Variants in GRIA4 observed in about 807,000 individuals in gnomAD.
GRIA4 encodes glutamate receptor 4.
A neutral mutation model predicts 104.0 loss-of-function variants in GRIA4; 34 were observed. The observed-to-expected ratio is 0.33, with a 90% CI of 0.25 to 0.44. The LOEUF (loss-of-function observed/expected upper bound fraction) is 0.44. Ranked by LOEUF, GRIA4 falls within the 20% of genes least tolerant of loss-of-function variation. The probability of loss-of-function intolerance (pLI) is 1.00; values close to 1 mark genes in which losing one functional copy is unlikely to be tolerated. For missense variants in GRIA4, 750 were observed against 1,096.5 expected, an observed-to-expected ratio of 0.68 and a Z score of 4.46; for synonymous variants, 386 against 381.9, an observed-to-expected ratio of 1.01 and a Z score of -0.13.
At position 105,718,919 on chromosome 11, in the gene GRIA4, G is replaced by T. The variant is rs143835683; in HGVS notation, c.248-34062G>T. Among the ~76,000 whole-genome samples the T allele has an allele frequency of 2.0e-3, 307 of 152,216 alleles. 2 individuals carry two copies. The highest frequency in any genetic ancestry group is 7.1e-3 in the African/African-American group (296 of 41,554). On this transcript the variant is annotated intron_variant, in intron 3 of 16. Coordinates refer to ENST00000282499, the MANE Select transcript of GRIA4 (RefSeq NM_000829.4). ...CTGCTTACTTAGGAGTTTGGAACAA[G>T]CCAGGGGAAACAAGGTAGGGAGTCA...
In GRIA4 at chr11:105,914,887, T is replaced by C. The variant is rs373773337; in HGVS notation, c.1270-3825T>C. ...AAGATACCCCACAAATCCTCCTTAA[T>C]GATTTTCTGGAATTTATTATATTGA... On this transcript the variant is annotated intron_variant, in intron 10 of 16. Coordinates refer to ENST00000282499, the MANE Select transcript of GRIA4 (RefSeq NM_000829.4). Among the ~76,000 whole-genome samples, 102 of 152,304 alleles carry C rather than the reference T, an allele frequency of 6.7e-4. 3 individuals are homozygous for C. The South Asian group carries it at 0.019, about 28-fold the overall frequency.
chr11:105,924,613 T>C lies in GRIA4; in HGVS notation c.1691T>C (p.Leu564Pro), dbSNP rs1412343269. The C allele has an allele frequency of 6.2e-7, 1 of 1,612,844 alleles. No individual in the cohort carries two copies. Among genetic ancestry groups the C allele is most frequent in the African/African-American group, 1.3e-5 (1 of 74,856 alleles). Residue 564 changes from leucine (L) to proline (P), a missense_variant, in exon 12 of 17, where the codon CTA becomes CCA. Around this residue, in one of 3 missense-constraint regions of GRIA4, gnomAD observed 272 missense variants for 524.5 expected, o/e 0.52. Transcript: ENST00000282499. Reference protein sequence around the residue: ...AYIGVSVVLFLVSRFSPYEWH... With the variant: ...AYIGVSVVLFPVSRFSPYEWH... ...ATTGGTGTCAGCGTGGTCTTATTCC[T>C]AGTTAGTAGATTTAGTCCATATGAG...
chr11:105,954,910 T>TTA (rs56101816), intron 14 of GRIA4, among the ~76,000 whole-genome samples: 9,985 of 45,562 alleles, frequency 0.22, 349 homozygotes, highest in African/African-American at 0.35. Flanking sequence ...TGCTTTCAAT[T>TTA]TATATATATA....
rs758122574 is a variant in GRIA4, at chr11:105,921,306, G to GGGGTGTGT, written c.1476+2389_1476+2390insGGTGTGTG. ...ATTTCCTTGGCCTCTACCACACTTG[G>GGGGTGTGT]GTGTGTGTGTGTGTGTGTGTGTGTG... On this transcript the variant is annotated intron_variant, in intron 11 of 16. Coordinates refer to ENST00000282499, the MANE Select transcript of GRIA4 (RefSeq NM_000829.4). 2.3e-3 allele frequency among the ~76,000 whole-genome samples: 324 copies of GGGGTGTGT among 138,836 alleles called. 1 individual carries two copies. The highest frequency in any genetic ancestry group is 2.5e-3 in the Non-Finnish European group (159 of 63,682). 91.1% of individuals were successfully genotyped at this position (138,836 alleles called of 152,430 possible).
intron 11 of GRIA4, among the ~76,000 whole-genome samples, chr11:105,922,708 C>T (rs995225807): frequency 1.3e-5 from 2 of 151,814 alleles, no homozygotes; most frequent in Non-Finnish European, 2.9e-5. Context: ...TACATTATTC[C>T]TTTTTAAAAG....
intron 4 of GRIA4, among the ~76,000 whole-genome samples, chr11:105,839,671 G>A (rs967945492): frequency 2.6e-5 from 4 of 150,944 alleles, no homozygotes; most frequent in Non-Finnish European, 4.4e-5. Flanking sequence ...TTGCGCCACC[G>A]CACCCCAGCC....
intron 3 of GRIA4, among the ~76,000 whole-genome samples, chr11:105,634,511 AAG>A (rs754534361): frequency 0.29 from 21,313 of 73,112 alleles, 2,115 homozygotes; most frequent in Non-Finnish European, 0.39. Flanking sequence ...GAAAGAAAGA[AAG>A]AAGAAAGAAA....
intron 14 of GRIA4, among the ~76,000 whole-genome samples, chr11:105,958,572 CTCTT>C (rs1318926203): frequency 2.0e-5 from 3 of 152,026 alleles, no homozygotes; most frequent in African/African-American, 7.2e-5. Flanking sequence ...GTCTAAAATT[CTCTT>C]TTTTTTTGTT....
At chr11:105,907,621 T>C (rs1947088823) in intron 9 of GRIA4, among the ~76,000 whole-genome samples, 1 of 152,174 alleles carries the variant, frequency 6.6e-6, no homozygotes, top group Non-Finnish European at 1.5e-5. Context: ...AATCTTCTTA[T>C]CACTCCAGTG....
At chr11:105,726,231 C>A (rs1462470468) in intron 3 of GRIA4, among the ~76,000 whole-genome samples, 1 of 152,100 alleles carries the variant, frequency 6.6e-6, no homozygotes, top group Non-Finnish European at 1.5e-5. Context: ...ATTACTGAGG[C>A]TTGAGTAGGT....
At chr11:105,726,978 C>T (rs940480479) in intron 3 of GRIA4, among the ~76,000 whole-genome samples, 1 of 152,052 alleles carries the variant, frequency 6.6e-6, no homozygotes, top group African/African-American at 2.4e-5. Flanking sequence ...TGCCTCTTCT[C>T]CTCCGAAGAA....
intron 4 of GRIA4, among the ~76,000 whole-genome samples, chr11:105,753,849 A>C (rs1160375933): frequency 6.6e-6 from 1 of 152,170 alleles, no homozygotes; most frequent in African/African-American, 2.4e-5. Flanking sequence ...ATGAACAGAC[A>C]AATAGAAGAA....
intron 3 of GRIA4, among the ~76,000 whole-genome samples, chr11:105,661,529 G>T (rs1216551939): frequency 6.6e-6 from 1 of 151,556 alleles, no homozygotes; most frequent in Non-Finnish European, 1.5e-5. Context: ...ATGAAATCAA[G>T]AAATGCATTT....
intron 3 of GRIA4, among the ~76,000 whole-genome samples, chr11:105,670,221 T>C (rs375801609): frequency 2.6e-5 from 4 of 152,270 alleles, no homozygotes; most frequent in Admixed American, 6.5e-5. Flanking sequence ...GGAGAGCATA[T>C]ACAGTACATA....
chr11:105,831,154 G>A (rs979397650), intron 4 of GRIA4, among the ~76,000 whole-genome samples: 2 of 152,064 alleles, frequency 1.3e-5, no homozygotes, highest in African/African-American at 4.8e-5. Flanking sequence ...GAATGTCCAA[G>A]ATGGTTCATT....
At chr11:105,727,422 CG>C in intron 3 of GRIA4, among the ~76,000 whole-genome samples, 1 of 152,126 alleles carries the variant, frequency 6.6e-6, no homozygotes, top group Middle Eastern at 3.4e-3. Flanking sequence ...CTGAAAGTGA[CG>C]GGAGAATGGA....
chr11:105,880,455 CT>C (rs1946007855), intron 5 of GRIA4, among the ~76,000 whole-genome samples: 2 of 152,174 alleles, frequency 1.3e-5, no homozygotes, highest in Admixed American at 1.3e-4. Flanking sequence ...TCAGCACTTG[CT>C]TTTCACTCTA....
chr11:105,651,618 G>A (rs1356042599), intron 3 of GRIA4, among the ~76,000 whole-genome samples: 1 of 151,990 alleles, frequency 6.6e-6, no homozygotes, highest in African/African-American at 2.4e-5. Flanking sequence ...TTAGCCACTG[G>A]AGTGCTTTTC....
In GRIA4 at chr11:105,874,675, T is replaced by A. The variant is rs574644584; in HGVS notation, c.672+12467T>A. 1.7e-3 allele frequency among the ~76,000 whole-genome samples: 260 copies of A among 152,280 alleles called. 1 individual carries two copies. The highest frequency in any genetic ancestry group is 6.0e-3 in the African/African-American group (250 of 41,558). ...ATTCCTAGGTATTTTATTCTCTTTG[T>A]AGCAATTGTGAATGGGCGTTCACTA... On this transcript the variant is annotated intron_variant, in intron 5 of 16. Coordinates refer to ENST00000282499, the MANE Select transcript of GRIA4 (RefSeq NM_000829.4).
Sources: allele counts gnomAD v4.1 joint callset (sites outside exome capture counted in the v4.1 genomes callset), GRCh38; gene constraint gnomAD v4.1.1; regional missense constraint gnomAD v4.1.1; transcripts MANE v1.5; gene names NCBI Gene and HGNC (gene_info 2026-07-23, HGNC 2026-07-21).